CSMD1: variants seen among roughly 807,000 people sequenced by gnomAD.
CSMD1 encodes CUB and sushi domain-containing protein 1.
CSMD1 carries 213 observed loss-of-function variants against 417.5 expected under a neutral mutation model. The observed-to-expected ratio is 0.51, with a 90% CI of 0.46 to 0.57. CSMD1 has a LOEUF of 0.57. Ranked by LOEUF, CSMD1 falls within the 20% of genes least tolerant of loss-of-function variation. The pLI, the probability that CSMD1 is intolerant of heterozygous loss-of-function variation, is 0.00. For missense variants in CSMD1, 6,923 were observed against 4,529.7 expected (o/e 1.53, Z -15.17); for synonymous variants, 2,862 against 1,736.8 (o/e 1.65, Z -16.11).
chr8:2,973,003 A>G, intron 57 of CSMD1, 114 bp downstream of exon 57: 3 of 989,826 alleles, frequency 3.0e-6, no homozygotes, highest in Non-Finnish European at 4.4e-6. Flanking sequence ...GAAAAGATTT[A>G]ATTGTATAAA....
intron 10 of CSMD1, among the ~76,000 whole-genome samples, chr8:3,573,266 A>G (rs1585391478): frequency 6.6e-6 from 1 of 152,186 alleles, no homozygotes; most frequent in Admixed American, 6.5e-5. Flanking sequence ...TCATGCAACT[A>G]CTAAGTGGCA....
chr8:3,174,767 T>C (rs899114740), intron 37 of CSMD1, among the ~76,000 whole-genome samples: 1 of 152,188 alleles, frequency 6.6e-6, no homozygotes, highest in African/African-American at 2.4e-5. Context: ...TTTATAGCTT[T>C]CTCTTTGGTT....
At chr8:3,384,802 T>C (rs1388990146) in intron 18 of CSMD1, among the ~76,000 whole-genome samples, 3 of 122,588 alleles carry the variant, frequency 2.4e-5, no homozygotes, top group African/African-American at 9.5e-5. Flanking sequence ...ATATATGCTA[T>C]TTATATATAA....
chr8:4,924,520 C>T (rs537521087), intron 1 of CSMD1, among the ~76,000 whole-genome samples: 38 of 151,962 alleles, frequency 2.5e-4, no homozygotes, highest in East Asian at 9.7e-4. Context: ...GTCAGGAGTT[C>T]GAGACCAGCC....
chr8:3,915,355 T>G (rs2688321), intron 5 of CSMD1, among the ~76,000 whole-genome samples: 4,523 of 141,736 alleles, frequency 0.032, 232 homozygotes, highest in African/African-American at 0.11. Context: ...GCAGTGAGCT[T>G]AGATAGTGCC....
chr8:3,293,073 C>T (rs1464445941), intron 25 of CSMD1, among the ~76,000 whole-genome samples: 5 of 151,944 alleles, frequency 3.3e-5, no homozygotes, highest in Non-Finnish European at 7.4e-5. Context: ...TTTTATTTCT[C>T]CTTCACTTAT....
chr8:4,120,972 C>A (rs1802453653), intron 3 of CSMD1, among the ~76,000 whole-genome samples: 1 of 152,146 alleles, frequency 6.6e-6, no homozygotes, highest in African/African-American at 2.4e-5. Context: ...TGGTCATGGA[C>A]AAACTATACA....
At chr8:4,849,042 T>C (rs1801312887) in intron 1 of CSMD1, among the ~76,000 whole-genome samples, 1 of 152,210 alleles carries the variant, frequency 6.6e-6, no homozygotes, top group Admixed American at 6.5e-5. Context: ...TCTACACCTG[T>C]TATAGTCCCT....
chr8:3,951,199 G>C (rs555345081), intron 5 of CSMD1, among the ~76,000 whole-genome samples: 5 of 152,284 alleles, frequency 3.3e-5, no homozygotes, highest in Admixed American at 2.6e-4. Context: ...GACAAGACCT[G>C]TATAGGTAGT....
intron 3 of CSMD1, among the ~76,000 whole-genome samples, chr8:4,085,801 C>G (rs1387626320): frequency 6.6e-6 from 1 of 152,144 alleles, no homozygotes; most frequent in Non-Finnish European, 1.5e-5. Flanking sequence ...ATCATAAAGA[C>G]ACCATGAAGC....
chr8:4,149,801 G>C (rs1219573599), intron 3 of CSMD1, among the ~76,000 whole-genome samples: 2 of 152,192 alleles, frequency 1.3e-5, no homozygotes, highest in Non-Finnish European at 2.9e-5. Context: ...GGTCACTTGA[G>C]AATTTCCTAT....
In CSMD1 at chr8:3,230,116, G is replaced by C. The variant is rs950366854; in HGVS notation, c.4269C>G (p.Leu1423=). The change falls in exon 27 of 70, where the codon CTC becomes CTG. Residue 1423 remains leucine, a synonymous_variant. Coordinates refer to ENST00000635120, the MANE Select transcript of CSMD1 (RefSeq NM_033225.6). Reference sequence around the variant, plus strand: ...CACAGGTGATTTTGGCTTGTCCTTGGAGCTGATAGCCAGGGTCACACTGGA... The same window carrying C: ...CACAGGTGATTTTGGCTTGTCCTTGCAGCTGATAGCCAGGGTCACACTGGA... ...VTFQCDPGYQ[L]QGQAKITCVQ... The C allele has an allele frequency of 6.2e-7, 1 of 1,613,692 alleles. No homozygotes were observed. The highest frequency in any genetic ancestry group is 8.5e-7 in the Non-Finnish European group (1 of 1,179,738).
intron 12 of CSMD1, among the ~76,000 whole-genome samples, chr8:3,459,539 TGCA>T (rs1418243417): frequency 6.6e-6 from 1 of 152,070 alleles, no homozygotes; most frequent in Non-Finnish European, 1.5e-5. Flanking sequence ...ACATGATAAA[TGCA>T]GGTACATGGG....
intron 7 of CSMD1, among the ~76,000 whole-genome samples, chr8:3,646,489 A>G (rs1797577983): frequency 6.6e-6 from 1 of 152,192 alleles, no homozygotes; most frequent in Non-Finnish European, 1.5e-5. Context: ...TTTCCTTCTG[A>G]AATGTAAATA....
intron 49 of CSMD1, among the ~76,000 whole-genome samples, chr8:3,055,089 T>C (rs890250391): frequency 1.3e-5 from 2 of 152,184 alleles, no homozygotes; most frequent in Admixed American, 1.3e-4. Context: ...TTCCTTAAAA[T>C]TCTCATTTGG....
intron 7 of CSMD1, among the ~76,000 whole-genome samples, chr8:3,643,593 C>G (rs532334429): frequency 7.3e-5 from 11 of 150,316 alleles, no homozygotes; most frequent in African/African-American, 2.5e-4. Flanking sequence ...CCCAACTACC[C>G]GGGCGGCTGA....
intron 3 of CSMD1, among the ~76,000 whole-genome samples, chr8:4,109,770 G>C (rs988588825): frequency 5.9e-5 from 9 of 152,118 alleles, no homozygotes; most frequent in Non-Finnish European, 1.0e-4. Context: ...AAGACAGTTT[G>C]ATTTCTGTGG....
At chr8:3,105,206 T>G (rs1816049394) in intron 46 of CSMD1, among the ~76,000 whole-genome samples, 1 of 152,248 alleles carries the variant, frequency 6.6e-6, no homozygotes, top group Non-Finnish European at 1.5e-5. Flanking sequence ...TCATCCTCTG[T>G]GTGCACAGTG....
At chr8:4,270,156 G>A (rs887492054) in intron 3 of CSMD1, among the ~76,000 whole-genome samples, 2 of 152,202 alleles carry the variant, frequency 1.3e-5, no homozygotes, top group African/African-American at 2.4e-5. Flanking sequence ...GTGGACGAGA[G>A]ACTTGAAGGA....
Sources: gnomAD v4.1 joint callset for allele counts (sites outside exome capture counted in the v4.1 genomes callset) on GRCh38, gnomAD v4.1.1 for gene constraint, MANE v1.5 for transcripts, NCBI Gene and HGNC (gene_info 2026-07-23, HGNC 2026-07-21) for gene names.